DDX10: variants seen among roughly 807,000 people sequenced by gnomAD.
DDX10 encodes the protein DEAD-box helicase 10, also known as probable ATP-dependent RNA helicase DDX10.
DDX10 carries 74 observed loss-of-function variants against 104.3 expected under a neutral mutation model. The ratio of observed to expected loss-of-function variants is 0.71; its 90% confidence interval spans 0.59 to 0.86. The LOEUF is 0.86. DDX10 is among the 40% of genes least tolerant of loss of function. DDX10 has a pLI of 0.00. For synonymous variants in DDX10, 351 were observed against 353.4 expected (o/e 0.99, Z 0.08); for missense variants, 952 against 1,040.0 (o/e 0.92, Z 1.16).
chr11:108,845,973 C>G (rs994433443), intron 15 of DDX10, among the ~76,000 whole-genome samples: 14 of 152,170 alleles, frequency 9.2e-5, no homozygotes, highest in African/African-American at 3.1e-4. Context: ...GTTTTTCCCT[C>G]ATACTATTAC....
intron 17 of DDX10, among the ~76,000 whole-genome samples, chr11:108,938,972 A>C (rs975247728): frequency 6.6e-6 from 1 of 152,046 alleles, no homozygotes; most frequent in East Asian, 1.9e-4. Context: ...TATTTCTGTG[A>C]TTTTTTTATT....
intron 9 of DDX10, among the ~76,000 whole-genome samples, chr11:108,695,754 TTAAG>T (rs1018581246): frequency 1.2e-4 from 18 of 149,300 alleles, no homozygotes; most frequent in African/African-American, 4.1e-4. Context: ...GTATGAGTGT[TTAAG>T]TGTTTTTTTT....
chr11:108,720,065 G>A (rs956130249), intron 12 of DDX10, among the ~76,000 whole-genome samples, 180 bp downstream of exon 12: 3 of 152,166 alleles, frequency 2.0e-5, no homozygotes, highest in Non-Finnish European at 2.9e-5. Context: ...ACCACACCCG[G>A]CCAGAGAGAA....
rs369822189 is a variant in DDX10 at position 108,769,448 on chromosome 11, TA to T, written c.1965+45994del. Among the ~76,000 whole-genome samples, 1,092 of 151,966 alleles carry T rather than the reference TA, an allele frequency of 7.2e-3. 11 individuals are homozygous for T. Among genetic ancestry groups the T allele is most frequent in the African/African-American group, 0.025 (1,025 of 41,502 alleles). ...TTTGGTTCTTTTTCTAATCTGCTCT[TA>T]AAAAAAAGTAGTATCTCATTTTTGT... On this transcript the variant is annotated intron_variant, in intron 13 of 17. Transcript: ENST00000322536.
intron 13 of DDX10, among the ~76,000 whole-genome samples, chr11:108,755,290 G>C (rs578045365): frequency 6.6e-6 from 1 of 152,150 alleles, no homozygotes; most frequent in East Asian, 1.9e-4. Context: ...GAAAATCCTT[G>C]AAGTTACTTT....
At chr11:108,741,503 T>C (rs913823432) in intron 13 of DDX10, among the ~76,000 whole-genome samples, 2 of 152,122 alleles carry the variant, frequency 1.3e-5, no homozygotes, top group African/African-American at 4.8e-5. Flanking sequence ...GTATTTCTCT[T>C]TGGGGAGATC....
At chr11:108,852,306 A>C (rs1181279653) in intron 16 of DDX10, 97 bp downstream of exon 16, 1 of 798,746 alleles carries the variant, frequency 1.3e-6, no homozygotes, top group African/African-American at 1.8e-5. Flanking sequence ...ATAATGTTAA[A>C]ATGGAATTTA....
chr11:108,715,956 G>A lies in DDX10; in HGVS notation c.1400G>A (p.Arg467Lys), dbSNP rs777647369. ...GCTCAAGATCAAGATTTAAAAGAAA[G>A]AGCTCAAAGGGTAAGTCATTTTTCA... ...ILAQDQDLKE[R>K]AQRCFVSYVR... Residue 467 changes from arginine (R) to lysine (K), a missense_variant, in exon 11 of 18, where the codon AGA becomes AAA. Around this residue, in one of 3 missense-constraint regions of DDX10, gnomAD observed 533 missense variants for 534.1 expected, o/e 1.00. Coordinates refer to ENST00000322536, the MANE Select transcript of DDX10 (RefSeq NM_004398.4). The A allele has an allele frequency of 2.0e-6, 3 of 1,536,666 alleles. No homozygotes were observed. In the South Asian group the frequency reaches 3.4e-5, roughly 18 times the overall value.
chr11:108,749,604 T>G (rs1420273125), intron 13 of DDX10, among the ~76,000 whole-genome samples: 1 of 152,178 alleles, frequency 6.6e-6, no homozygotes, highest in African/African-American at 2.4e-5. Flanking sequence ...TCTGTAAATG[T>G]CAATAAATAT....
intron 16 of DDX10, among the ~76,000 whole-genome samples, chr11:108,879,406 T>C (rs910291215): frequency 6.6e-6 from 1 of 152,190 alleles, no homozygotes; most frequent in African/African-American, 2.4e-5. Flanking sequence ...ATATAAATAG[T>C]GTATACTATA....
Position 108,931,783 on chromosome 11 carries a change from C to T in DDX10, c.2451-8463C>T, listed in dbSNP as rs191881292. Among the ~76,000 whole-genome samples, 80 of 152,206 alleles carry T rather than the reference C, an allele frequency of 5.3e-4. 2 individuals carry two copies. Among genetic ancestry groups the T allele is most frequent in the South Asian group, 5.2e-3 (25 of 4,820 alleles). The stretch of plus-strand genomic sequence containing the variant: ...AAGATTCTTCTTAATCACCTAGTTA[C>T]GCTTTCTCCTAATTTTGTCTTCAGA... On this transcript the variant is annotated intron_variant, in intron 17 of 17. Transcript: ENST00000322536.
rs146483165 is a variant in DDX10 at position 108,917,994 on chromosome 11, G to A, written c.2426G>A (p.Ser809Asn). ...TACAGAAGCTCTGAAGATTCAGATAGTGAAGATATGGAAAATAAAATAAGG... is the reference window on the plus strand; with the variant it reads ...TACAGAAGCTCTGAAGATTCAGATAATGAAGATATGGAAAATAAAATAAGG... ...DKYRSSEDSD[S>N]EDMENKISDT... The change falls in exon 17 of 18, where the codon AGT (serine) becomes AAT (asparagine). Residue 809 changes from serine to asparagine, a missense_variant. Physicochemically the swap from Ser to Asn is conservative, Grantham distance 46. Around this residue, in one of 3 missense-constraint regions of DDX10, gnomAD observed 533 missense variants for 534.1 expected, o/e 1.00. Transcript: ENST00000322536. 1.2e-6 allele frequency: 2 copies of A among 1,613,568 alleles called. No individual in the cohort carries two copies. Among genetic ancestry groups the A allele is most frequent in the African/African-American group, 2.7e-5 (2 of 74,910 alleles).
chr11:108,726,262 G>A (rs149301938), intron 13 of DDX10, among the ~76,000 whole-genome samples: 2,991 of 152,064 alleles, frequency 0.02, 46 homozygotes, highest in Middle Eastern at 0.044. Flanking sequence ...TAGTTACTTC[G>A]TATAAAAAGC....
intron 13 of DDX10, among the ~76,000 whole-genome samples, chr11:108,739,301 A>C (rs1003388419): frequency 6.6e-6 from 1 of 152,222 alleles, no homozygotes; most frequent in East Asian, 1.9e-4. Context: ...CCAGAGAGAC[A>C]CAGATTCCTC....
intron 16 of DDX10, among the ~76,000 whole-genome samples, chr11:108,906,868 C>T (rs922099921): frequency 3.3e-5 from 5 of 152,086 alleles, no homozygotes; most frequent in African/African-American, 9.7e-5. Context: ...TGCAAAGCAG[C>T]CTTAGAAGAA....
rs529658591 is a variant in DDX10 at position 108,850,712 on chromosome 11, A to G, written c.2248-1441A>G. Among the ~76,000 whole-genome samples, 3 of 152,284 alleles carry G rather than the reference A, an allele frequency of 2.0e-5. No homozygotes were observed. The East Asian group carries it at 5.8e-4, about 29-fold the overall frequency. ...TCTAAAACATATTGATACGGATACA[A>G]ATACTATGTACGAACCTACAAAGTG... On this transcript the variant is annotated intron_variant, in intron 15 of 17. Transcript: ENST00000322536.
At chr11:108,699,176 A>G (rs572168667) in intron 9 of DDX10, among the ~76,000 whole-genome samples, 15 of 151,924 alleles carry the variant, frequency 9.9e-5, no homozygotes, top group Admixed American at 6.6e-5. Flanking sequence ...AGTAGACTAC[A>G]TTTGAGATAG....
chr11:108,690,873 A>T (rs117934739), intron 7 of DDX10: 8 of 166,272 alleles, frequency 4.8e-5, no homozygotes, highest in African/African-American at 7.2e-5. Flanking sequence ...TGCAGGTGCT[A>T]TTGCTGAAGC....
chr11:108,876,216 C>G (rs946106137), intron 16 of DDX10, among the ~76,000 whole-genome samples: 11 of 152,038 alleles, frequency 7.2e-5, no homozygotes, highest in South Asian at 2.1e-4. Context: ...TGATTTGACT[C>G]TTAGAGGATA....
Sources: allele counts gnomAD v4.1 joint callset (sites outside exome capture counted in the v4.1 genomes callset), GRCh38; gene constraint gnomAD v4.1.1; regional missense constraint gnomAD v4.1.1; transcripts MANE v1.5; gene names NCBI Gene and HGNC (gene_info 2026-07-23, HGNC 2026-07-21).